The following GPC5 variants were observed in gnomAD, a reference collection of about 807,000 sequenced individuals.
The protein encoded by GPC5 is glypican-5.
A neutral mutation model predicts 53.9 loss-of-function variants in GPC5; 47 were observed. The ratio of observed to expected loss-of-function variants is 0.87; its 90% CI spans 0.69 to 1.11. The LOEUF (loss-of-function observed/expected upper bound fraction) is 1.11. Among genes scored for constraint, GPC5 ranks in the 50% most tolerant of loss-of-function variants. The probability of loss-of-function intolerance (pLI) is 0.00; values close to 1 mark genes in which losing one functional copy is unlikely to be tolerated. For synonymous variants in GPC5, 286 were observed against 263.3 expected (o/e 1.09, Z -0.84); for missense variants, 748 against 713.1 (o/e 1.05, Z -0.56).
chr13:92,325,746 G>A (rs1270931782), intron 7 of GPC5, among the ~76,000 whole-genome samples: 1 of 151,958 alleles, frequency 6.6e-6, no homozygotes, highest in Non-Finnish European at 1.5e-5. Context: ...GAAAGGAGTT[G>A]GCCAAAAATC....
intron 5 of GPC5, among the ~76,000 whole-genome samples, chr13:91,879,987 G>T (rs1400469795): frequency 2.0e-5 from 3 of 151,832 alleles, no homozygotes; most frequent in East Asian, 3.9e-4. Context: ...AGTTATATTT[G>T]CTTTGTAAAA....
intron 7 of GPC5, among the ~76,000 whole-genome samples, chr13:92,777,568 G>A (rs976079008): frequency 6.6e-6 from 1 of 152,010 alleles, no homozygotes; most frequent in African/African-American, 2.4e-5. Flanking sequence ...GCAGTGAGCC[G>A]AGGTCACACC....
chr13:92,646,571 G>A (rs1274524252), intron 7 of GPC5, among the ~76,000 whole-genome samples: 1 of 151,752 alleles, frequency 6.6e-6, no homozygotes, highest in South Asian at 2.1e-4. Flanking sequence ...ATTTTGATAG[G>A]GATTGAATTG....
At chr13:91,906,915 A>T (rs2039558620) in intron 5 of GPC5, among the ~76,000 whole-genome samples, 1 of 151,610 alleles carries the variant, frequency 6.6e-6, no homozygotes, top group Non-Finnish European at 1.5e-5. Context: ...TTAGTTGCTT[A>T]AAAATTTGAT....
At chr13:92,282,391 G>A (rs577924911) in intron 7 of GPC5, among the ~76,000 whole-genome samples, 38 of 152,070 alleles carry the variant, frequency 2.5e-4, no homozygotes, top group East Asian at 5.8e-4. Context: ...CAGGAAATAC[G>A]GAGAACGCCA....
chr13:92,129,483 G>T, intron 6 of GPC5, among the ~76,000 whole-genome samples: 1 of 152,162 alleles, frequency 6.6e-6, no homozygotes, highest in East Asian at 1.9e-4. Flanking sequence ...ATGTGAAGTG[G>T]CAACAATTTT....
intron 7 of GPC5, among the ~76,000 whole-genome samples, chr13:92,652,053 G>A (rs931258787): frequency 6.6e-6 from 1 of 152,148 alleles, no homozygotes; most frequent in Non-Finnish European, 1.5e-5. Context: ...ACATACTAAA[G>A]TGTGGTTACA....
intron 7 of GPC5, among the ~76,000 whole-genome samples, chr13:92,754,509 G>C (rs371993970): frequency 6.6e-6 from 1 of 151,550 alleles, no homozygotes; most frequent in East Asian, 2.0e-4. Flanking sequence ...TGGACTAAAT[G>C]CTCCAATTAA....
chr13:92,144,183 G>C (rs1168354985), intron 6 of GPC5, among the ~76,000 whole-genome samples: 1 of 152,004 alleles, frequency 6.6e-6, no homozygotes, highest in Non-Finnish European at 1.5e-5. Context: ...CATCTGTTTT[G>C]CTCATTAAAA....
intron 7 of GPC5, among the ~76,000 whole-genome samples, chr13:92,655,631 G>A (rs911681872): frequency 4.6e-5 from 7 of 152,116 alleles, no homozygotes; most frequent in Non-Finnish European, 1.0e-4. Context: ...GTGAGCCACC[G>A]CACCTGTTCG....
intron 6 of GPC5, among the ~76,000 whole-genome samples, chr13:92,100,624 G>A (rs2041458758): frequency 6.6e-6 from 1 of 151,956 alleles, no homozygotes; most frequent in Non-Finnish European, 1.5e-5. Flanking sequence ...CTCATGTCCT[G>A]GGTGACATGT....
At chr13:92,395,163 T>C (rs1365392033) in intron 7 of GPC5, among the ~76,000 whole-genome samples, 1 of 152,200 alleles carries the variant, frequency 6.6e-6, no homozygotes, top group African/African-American at 2.4e-5. Flanking sequence ...AAAACTGTTC[T>C]GCTTGTTACA....
intron 7 of GPC5, among the ~76,000 whole-genome samples, chr13:92,331,656 C>A (rs549885140): frequency 1.3e-5 from 2 of 148,344 alleles, no homozygotes; most frequent in African/African-American, 5.0e-5. Flanking sequence ...AAATTTTTCT[C>A]ACAAATGATT....
chr13:91,795,960 A>T (rs1482173814), intron 5 of GPC5, among the ~76,000 whole-genome samples: 1 of 152,200 alleles, frequency 6.6e-6, no homozygotes, highest in African/African-American at 2.4e-5. Context: ...GAGGGAGAAG[A>T]AGTAAATGCC....
chr13:91,442,373 T>C (rs1280482837), intron 1 of GPC5, among the ~76,000 whole-genome samples: 2 of 152,262 alleles, frequency 1.3e-5, no homozygotes, highest in Non-Finnish European at 2.9e-5. Context: ...ATATTTTCTA[T>C]GTCTCTCCTT....
chr13:91,712,014 T>G lies in GPC5; in HGVS notation c.1021-16518T>G, dbSNP rs561677819. Among the ~76,000 whole-genome samples, 3 of 152,354 alleles carry G rather than the reference T, an allele frequency of 2.0e-5. No homozygotes were observed. The East Asian group carries it at 5.8e-4, about 29-fold the overall frequency. On this transcript the variant is annotated intron_variant, in intron 3 of 7. Transcript: ENST00000377067. ...AGAAACTGAATCCCTTTGAAAAATC[T>G]ATGTGCATTTGATTGAATTAGATTT...
intron 6 of GPC5, among the ~76,000 whole-genome samples, chr13:92,130,604 C>A (rs1303801807): frequency 6.6e-6 from 1 of 151,990 alleles, no homozygotes; most frequent in Non-Finnish European, 1.5e-5. Context: ...ACACAAAAAT[C>A]TGAAAGATGT....
At chr13:91,844,246 A>G (rs1056901338) in intron 5 of GPC5, among the ~76,000 whole-genome samples, 1 of 152,200 alleles carries the variant, frequency 6.6e-6, no homozygotes, top group Admixed American at 6.5e-5. Context: ...AAATTACATA[A>G]AGTCGAAGAA....
At chr13:91,530,874 GTTAA>G (rs1348407232) in intron 2 of GPC5, among the ~76,000 whole-genome samples, 1 of 152,096 alleles carries the variant, frequency 6.6e-6, no homozygotes, top group East Asian at 1.9e-4. Flanking sequence ...TCTTAATTCT[GTTAA>G]TTTATTATTT....
Sources: allele counts gnomAD v4.1 joint callset (sites outside exome capture counted in the v4.1 genomes callset), GRCh38; gene constraint gnomAD v4.1.1; transcripts MANE v1.5; gene names NCBI Gene and HGNC (gene_info 2026-07-23, HGNC 2026-07-21).